Variants in SNTG1 observed in about 807,000 individuals in gnomAD.
SNTG1 encodes the protein gamma-1-syntrophin.
In SNTG1, 39 loss-of-function variants were observed where a neutral mutation model predicts 74.7. The ratio of observed to expected loss-of-function variants is 0.52; its 90% CI spans 0.40 to 0.68. The LOEUF is 0.68. Among genes scored for constraint, SNTG1 ranks in the 30% least tolerant of loss-of-function variants. The pLI, the probability that SNTG1 is intolerant of heterozygous loss-of-function variation, is 0.00. For synonymous variants in SNTG1, 254 were observed against 217.1 expected (o/e 1.17, Z -1.49); for missense variants, 685 against 609.5 (o/e 1.12, Z -1.30).
intron 15 of SNTG1, among the ~76,000 whole-genome samples, chr8:50,675,776 G>T (rs2095307157): frequency 6.6e-6 from 1 of 151,998 alleles, no homozygotes. Flanking sequence ...ATTTTGGTGT[G>T]TTTTTGCAGT....
chr8:50,533,678 A>C (rs2094286966), intron 10 of SNTG1, among the ~76,000 whole-genome samples: 1 of 152,216 alleles, frequency 6.6e-6, no homozygotes, highest in Non-Finnish European at 1.5e-5. Flanking sequence ...TGTAAATAAC[A>C]GGTCTATAAT....
chr8:50,326,416 G>A (rs538516607), intron 2 of SNTG1, among the ~76,000 whole-genome samples: 1 of 151,868 alleles, frequency 6.6e-6, no homozygotes, highest in Non-Finnish European at 1.5e-5. Context: ...GTGAGTTCTG[G>A]CAAATTGTAT....
At chr8:50,346,115 C>T (rs984203773) in intron 2 of SNTG1, among the ~76,000 whole-genome samples, 2 of 152,106 alleles carry the variant, frequency 1.3e-5, no homozygotes, top group African/African-American at 2.4e-5. Context: ...TACAGGCATA[C>T]GTCATTTTAT....
intron 4 of SNTG1, among the ~76,000 whole-genome samples, chr8:50,430,608 C>T (rs72642365): frequency 1.3e-5 from 2 of 152,110 alleles, no homozygotes; most frequent in Non-Finnish European, 2.9e-5. Context: ...ACAGACAAAT[C>T]GACTTTGTTC....
intron 2 of SNTG1, among the ~76,000 whole-genome samples, chr8:50,341,930 A>T (rs2091329892): frequency 6.6e-6 from 1 of 152,044 alleles, no homozygotes; most frequent in South Asian, 2.1e-4. Context: ...CCATTTTCCA[A>T]AACCAAATTT....
chr8:50,155,426 A>T (rs1317704543), intron 1 of SNTG1, among the ~76,000 whole-genome samples: 1 of 152,196 alleles, frequency 6.6e-6, no homozygotes, highest in Non-Finnish European at 1.5e-5. Flanking sequence ...TGTATTAGAG[A>T]ACTAATGTAA....
At chr8:50,014,763 G>C (rs1258321931) in intron 1 of SNTG1, among the ~76,000 whole-genome samples, 1 of 152,024 alleles carries the variant, frequency 6.6e-6, no homozygotes, top group African/African-American at 2.4e-5. Context: ...TAGGAAAGCA[G>C]ACTTTAAAAT....
rs138176511 is a variant in SNTG1 at position 50,440,575 on chromosome 8, G to A, written c.219+1976G>A. 6.6e-3 allele frequency among the ~76,000 whole-genome samples: 1,006 copies of A among 152,230 alleles called. 4 individuals carry two copies. The highest frequency in any genetic ancestry group is 0.011 in the Admixed American group (161 of 15,296). On this transcript the variant is annotated intron_variant, in intron 5 of 18. Transcript: ENST00000642720. ...TCATTCTAGGCTAGAAGCAGAATTA[G>A]TATTTTAATGTTGAACTATTTATTT... is the stretch of plus-strand genomic sequence containing the variant.
chr8:50,781,087 G>A (rs537903011), intron 18 of SNTG1, among the ~76,000 whole-genome samples: 1 of 152,234 alleles, frequency 6.6e-6, no homozygotes, highest in African/African-American at 2.4e-5. Context: ...TATCATTTCT[G>A]ATCTTTTACA....
intron 11 of SNTG1, 110 bp from the exon 12 acceptor site, chr8:50,552,940 G>C (rs1027674119): frequency 7.7e-7 from 1 of 1,298,162 alleles, no homozygotes; most frequent in African/African-American, 1.5e-5. Context: ...TGAATTTGGA[G>C]GCTGATATTT....
chr8:50,005,231 CAG>C (rs1186343129), intron 1 of SNTG1, among the ~76,000 whole-genome samples: 1 of 151,694 alleles, frequency 6.6e-6, no homozygotes, highest in Non-Finnish European at 1.5e-5. Context: ...ACAAGGAAAA[CAG>C]AGCATAACAG....
At chr8:50,489,236 A>C (rs181514093) in intron 8 of SNTG1, among the ~76,000 whole-genome samples, 1 of 152,314 alleles carries the variant, frequency 6.6e-6, no homozygotes, top group African/African-American at 2.4e-5. Context: ...CAATAAACAT[A>C]CGTGTGCATG....
At chr8:50,393,699 C>G (rs2092691707) in intron 2 of SNTG1, among the ~76,000 whole-genome samples, 1 of 152,170 alleles carries the variant, frequency 6.6e-6, no homozygotes, top group Admixed American at 6.5e-5. Context: ...TGACAAATAG[C>G]TTGCTTCCTT....
At chr8:50,415,555 C>T (rs2131420352) in intron 4 of SNTG1, among the ~76,000 whole-genome samples, 1 of 152,116 alleles carries the variant, frequency 6.6e-6, no homozygotes, top group East Asian at 1.9e-4. Flanking sequence ...TCCCATGAAA[C>T]AGTTCCTCAG....
chr8:50,115,577 A>AAAAAAAAAAAAAAAAAAAAAAC, intron 1 of SNTG1, among the ~76,000 whole-genome samples: 1 of 112,854 alleles, frequency 8.9e-6, no homozygotes, highest in Non-Finnish European at 2.1e-5. Context: ...CAAAAAAAAA[A>AAAAAAAAAAAAAAAAAAAAAAC]AAAAAAAAAA....
chr8:50,394,627 T>C (rs1227921668), intron 3 of SNTG1, among the ~76,000 whole-genome samples: 1 of 152,150 alleles, frequency 6.6e-6, no homozygotes, highest in Non-Finnish European at 1.5e-5. Flanking sequence ...AATTCTATGA[T>C]TTTATGATTC....
chr8:50,412,489 G>A (rs2092962158), intron 4 of SNTG1, among the ~76,000 whole-genome samples: 1 of 152,092 alleles, frequency 6.6e-6, no homozygotes, highest in African/African-American at 2.4e-5. Context: ...GGGTAATTGT[G>A]AAGATGAAAC....
chr8:49,990,961 A>G (rs908238583), intron 1 of SNTG1, among the ~76,000 whole-genome samples: 1 of 152,164 alleles, frequency 6.6e-6, no homozygotes, highest in African/African-American at 2.4e-5. Flanking sequence ...CAAAATAAAA[A>G]TCTTGTATTC....
chr8:49,982,896 A>T (rs1406919076), intron 1 of SNTG1, among the ~76,000 whole-genome samples: 1 of 152,198 alleles, frequency 6.6e-6, no homozygotes, highest in African/African-American at 2.4e-5. Flanking sequence ...AACTACAGTA[A>T]AATTGATGTA....
Sources: gnomAD v4.1 joint callset for allele counts (sites outside exome capture counted in the v4.1 genomes callset) on GRCh38, gnomAD v4.1.1 for gene constraint, MANE v1.5 for transcripts, NCBI Gene and HGNC (gene_info 2026-07-23, HGNC 2026-07-21) for gene names.